HBS1L: variants seen among roughly 807,000 people sequenced by gnomAD.
The protein encoded by HBS1L is HBS1 like translational GTPase, also known as HBS1-like protein.
A neutral mutation model predicts 88.9 loss-of-function variants in HBS1L; 55 were observed. The observed-to-expected ratio is 0.62, with a 90% confidence interval of 0.50 to 0.77. The LOEUF is 0.77. HBS1L is among the 30% of genes least tolerant of loss of function. The probability of loss-of-function intolerance (pLI) is 0.00; values close to 1 mark genes in which losing one functional copy is unlikely to be tolerated. For synonymous variants in HBS1L, 267 were observed against 288.5 expected, an observed-to-expected ratio of 0.93 and a Z score of 0.76; for missense variants, 741 against 829.3, an observed-to-expected ratio of 0.89 and a Z score of 1.31.
chr6:134,976,806 T>C (rs1583063345), intron 15 of HBS1L, among the ~76,000 whole-genome samples: 1 of 152,000 alleles, frequency 6.6e-6, no homozygotes, highest in Non-Finnish European at 1.5e-5. Context: ...GGGTACAATA[T>C]ACACTACTTG....
chr6:134,985,590 G>A (rs1774956728), intron 11 of HBS1L, among the ~76,000 whole-genome samples, 181 bp from the exon 12 acceptor site: 1 of 151,978 alleles, frequency 6.6e-6, no homozygotes, highest in African/African-American at 2.4e-5. Context: ...TCTGAAATCT[G>A]AAATGCTCCA....
intron 8 of HBS1L, among the ~76,000 whole-genome samples, chr6:134,988,401 G>A (rs1415662473): frequency 6.7e-6 from 1 of 149,144 alleles, no homozygotes; most frequent in Non-Finnish European, 1.5e-5. Context: ...ACAAACATTT[G>A]TAACATATAA....
chr6:135,021,907 T>TC (rs1776081666), intron 4 of HBS1L, among the ~76,000 whole-genome samples: 1 of 151,852 alleles, frequency 6.6e-6, no homozygotes. Flanking sequence ...CACCTTCCTA[T>TC]CCCCCCTTGA....
At chr6:135,018,501 T>C (rs1775983969) in intron 4 of HBS1L, among the ~76,000 whole-genome samples, 1 of 151,982 alleles carries the variant, frequency 6.6e-6, no homozygotes. Context: ...ATAAATTCAA[T>C]CTACATATTA....
intron 4 of HBS1L, among the ~76,000 whole-genome samples, chr6:135,006,958 A>G (rs1360741318): frequency 3.3e-5 from 5 of 152,194 alleles, no homozygotes; most frequent in Admixed American, 3.3e-4. Context: ...CCTTTATGAC[A>G]CTAATTCCAA....
intron 4 of HBS1L, among the ~76,000 whole-genome samples, chr6:135,030,967 C>T (rs1389762608): frequency 1.3e-5 from 2 of 152,122 alleles, no homozygotes; most frequent in Non-Finnish European, 2.9e-5. Flanking sequence ...CTTTTTGATA[C>T]AGCTCTCATA....
intron 3 of HBS1L, among the ~76,000 whole-genome samples, chr6:135,041,524 G>A (rs1378597091): frequency 6.6e-6 from 1 of 152,070 alleles, no homozygotes; most frequent in East Asian, 1.9e-4. Context: ...TCACACAGAT[G>A]TAAATCTTGA....
intron 2 of HBS1L, among the ~76,000 whole-genome samples, chr6:135,044,920 T>C (rs953199392): frequency 9.2e-5 from 14 of 152,218 alleles, no homozygotes; most frequent in Non-Finnish European, 2.1e-4. Flanking sequence ...GCTTCTCCTC[T>C]GCCTGCCAGG....
chr6:135,018,542 G>A (rs1035153003), intron 4 of HBS1L, among the ~76,000 whole-genome samples: 1 of 151,850 alleles, frequency 6.6e-6, no homozygotes, highest in African/African-American at 2.4e-5. Context: ...GGTAGTATAT[G>A]CAAAATTTAT....
At chr6:135,034,076 T>C (rs1286514568) in intron 4 of HBS1L, among the ~76,000 whole-genome samples, 1 of 152,106 alleles carries the variant, frequency 6.6e-6, no homozygotes, top group Non-Finnish European at 1.5e-5. Context: ...ATTAGTATTA[T>C]GGTGCACTGA....
chr6:134,998,032 C>T (rs1459045760), intron 5 of HBS1L, among the ~76,000 whole-genome samples: 7 of 152,140 alleles, frequency 4.6e-5, no homozygotes, highest in Non-Finnish European at 1.0e-4. Flanking sequence ...TGAATTAGTA[C>T]TAAAATATAG....
At chr6:134,982,038 T>C (rs1404851631) in intron 13 of HBS1L, among the ~76,000 whole-genome samples, 3 of 152,098 alleles carry the variant, frequency 2.0e-5, no homozygotes, top group African/African-American at 7.2e-5. Flanking sequence ...TGTTAATTTA[T>C]AGTTATTCTG....
intron 16 of HBS1L, 96 bp from the exon 17 acceptor site, chr6:134,966,569 A>G (rs956102512): frequency 2.7e-6 from 2 of 747,184 alleles, no homozygotes; most frequent in Non-Finnish European, 2.0e-6. Flanking sequence ...TTTAACCAAC[A>G]TATCAACTGA....
chr6:135,000,089 C>T (rs1326082893), intron 5 of HBS1L, among the ~76,000 whole-genome samples: 2 of 151,896 alleles, frequency 1.3e-5, no homozygotes, highest in East Asian at 1.9e-4. Flanking sequence ...GTCTCGCTCT[C>T]GCTGTGTTGC....
intron 8 of HBS1L, among the ~76,000 whole-genome samples, chr6:134,992,105 G>A (rs1209023106): frequency 2.0e-5 from 3 of 152,074 alleles, no homozygotes; most frequent in African/African-American, 4.8e-5. Flanking sequence ...CCCAGAAAAC[G>A]GGTAATTGCT....
Position 134,977,222 on chromosome 6 carries a change from C to A in HBS1L, c.1797+1457G>T, listed in dbSNP as rs540268719. Among the ~76,000 whole-genome samples the A allele has an allele frequency of 3.3e-5, 5 of 152,088 alleles. No individual in the cohort carries two copies. The South Asian group carries it at 8.3e-4, about 25-fold the overall frequency. On this transcript the variant is annotated intron_variant, in intron 15 of 17. Coordinates refer to ENST00000367837, the MANE Select transcript of HBS1L (RefSeq NM_006620.4). ...AAGCAACAGTGAAAAACTTGCAATT[C>A]ATGCTTATTTTTAAGAAACTACAGT... is the stretch of plus-strand genomic sequence containing the variant.
intron 4 of HBS1L, among the ~76,000 whole-genome samples, chr6:135,021,334 TTA>T: frequency 6.6e-6 from 1 of 152,088 alleles, no homozygotes; most frequent in Non-Finnish European, 1.5e-5. Flanking sequence ...ATAAACAATA[TTA>T]TTTAAGCTGG....
chr6:134,994,527 TTTGGAC>T (rs1288377643), intron 7 of HBS1L, among the ~76,000 whole-genome samples: 2 of 152,104 alleles, frequency 1.3e-5, no homozygotes, highest in African/African-American at 4.8e-5. Context: ...TACAGACTTT[TTTGGAC>T]TTGGAATATT....
At chr6:134,998,411 T>C (rs762497101) in intron 5 of HBS1L, among the ~76,000 whole-genome samples, 1 of 123,244 alleles carries the variant, frequency 8.1e-6, no homozygotes, top group Non-Finnish European at 1.8e-5. Flanking sequence ...TAGAAACTAG[T>C]ACCAGTGCAA....
Sources: gnomAD v4.1 joint callset for allele counts (sites outside exome capture counted in the v4.1 genomes callset) on GRCh38, gnomAD v4.1.1 for gene constraint, MANE v1.5 for transcripts, NCBI Gene and HGNC (gene_info 2026-07-23, HGNC 2026-07-21) for gene names.